SUGCT: variants seen among roughly 807,000 people sequenced by gnomAD.
The protein encoded by SUGCT is succinyl-CoA:glutarate CoA-transferase.
SUGCT carries 41 observed loss-of-function variants against 55.0 expected under a neutral mutation model. The ratio of observed to expected loss-of-function variants is 0.74; its 90% confidence interval spans 0.58 to 0.97. The LOEUF (loss-of-function observed/expected upper bound fraction) is 0.97, where lower values mean the gene tolerates loss of function less well. SUGCT is among the 50% of genes least tolerant of loss of function. The probability of loss-of-function intolerance (pLI) is 0.00; values close to 1 mark genes in which losing one functional copy is unlikely to be tolerated. For missense variants in SUGCT, 568 were observed against 547.8 expected (o/e 1.04, Z -0.37); for synonymous variants, 187 against 200.4 (o/e 0.93, Z 0.56).
At chr7:40,504,027 A>G (rs1792447600) in intron 12 of SUGCT, among the ~76,000 whole-genome samples, 1 of 152,204 alleles carries the variant, frequency 6.6e-6, no homozygotes, top group Non-Finnish European at 1.5e-5. Context: ...AATCCAAAGA[A>G]TCAATAAACA....
At chr7:40,755,928 TAATACTC>T (rs1274922518) in intron 13 of SUGCT, among the ~76,000 whole-genome samples, 1 of 152,218 alleles carries the variant, frequency 6.6e-6, no homozygotes, top group African/African-American at 2.4e-5. Context: ...CATAGTATTT[TAATACTC>T]ACATTTGGAA....
chr7:40,331,536 C>A (rs547288003), intron 9 of SUGCT, among the ~76,000 whole-genome samples: 1 of 152,272 alleles, frequency 6.6e-6, no homozygotes, highest in East Asian at 1.9e-4. Flanking sequence ...TGGCACATAG[C>A]ATATGTTCAG....
intron 12 of SUGCT, among the ~76,000 whole-genome samples, chr7:40,511,162 G>A (rs1237046516): frequency 6.6e-6 from 1 of 152,110 alleles, no homozygotes; most frequent in Admixed American, 6.6e-5. Flanking sequence ...ATAGACATCA[G>A]CTTAACCAAG....
At chr7:40,680,482 C>T (rs1349951744) in intron 12 of SUGCT, among the ~76,000 whole-genome samples, 1 of 152,086 alleles carries the variant, frequency 6.6e-6, no homozygotes, top group Non-Finnish European at 1.5e-5. Flanking sequence ...GAAAGGATTA[C>T]ACACCCACAA....
the SUGCT span, among the ~76,000 whole-genome samples, chr7:40,959,535 C>T: frequency 6.6e-6 from 1 of 152,146 alleles, no homozygotes; most frequent in Non-Finnish European, 1.5e-5. Context: ...GCTGGAGTAT[C>T]CCAAGTCGAC....
At chr7:40,218,326 CATTTTCATTAAACAATAG>C (rs1787794822) in intron 6 of SUGCT, among the ~76,000 whole-genome samples, 1 of 152,184 alleles carries the variant, frequency 6.6e-6, no homozygotes, top group Non-Finnish European at 1.5e-5. Flanking sequence ...GTAGTAGTAA[CATTTTCATTAAACAATAG>C]AAGCCTGGCT....
chr7:40,532,224 A>G (rs1407199740), intron 12 of SUGCT, among the ~76,000 whole-genome samples: 2 of 152,208 alleles, frequency 1.3e-5, no homozygotes, highest in Admixed American at 6.5e-5. Flanking sequence ...GAGTGACTCA[A>G]AGTATCAGAA....
chr7:40,186,213 C>G (rs1199695687), intron 3 of SUGCT, among the ~76,000 whole-genome samples: 1 of 135,368 alleles, frequency 7.4e-6, no homozygotes, highest in African/African-American at 2.8e-5. Context: ...CTCCCCTTCC[C>G]TCCTCTCCCC....
intron 9 of SUGCT, among the ~76,000 whole-genome samples, chr7:40,391,959 A>C (rs555428920): frequency 1.3e-5 from 2 of 152,362 alleles, no homozygotes; most frequent in Admixed American, 1.3e-4. Flanking sequence ...CAGGCATAAA[A>C]AAGGATGAGT....
the SUGCT span, among the ~76,000 whole-genome samples, chr7:41,019,392 G>A: frequency 2.0e-5 from 3 of 152,280 alleles, no homozygotes; most frequent in African/African-American, 7.2e-5. Flanking sequence ...TCCTGACCCT[G>A]ATCCTTGTGG....
intron 8 of SUGCT, among the ~76,000 whole-genome samples, chr7:40,306,204 A>G (rs1794846029): frequency 1.3e-5 from 2 of 152,190 alleles, no homozygotes; most frequent in Admixed American, 6.5e-5. Context: ...ATTAAATTTA[A>G]TAGCTTGTCT....
intron 7 of SUGCT, among the ~76,000 whole-genome samples, chr7:40,251,936 T>TAAA (rs879897770): frequency 2.8e-5 from 4 of 141,058 alleles, no homozygotes; most frequent in African/African-American, 1.0e-4. Flanking sequence ...CTAGGAAAAA[T>TAAA]AAAAAAAAAA....
rs148293224 is a variant in SUGCT at position 40,701,166 on chromosome 7, C to T, written c.1090-48268C>T. Reference sequence around the variant, plus strand: ...AAGACAGGAAACGTTTGTTGGGCTTCGTCATTTTATGACACTGATGCCCAC... The same window carrying T: ...AAGACAGGAAACGTTTGTTGGGCTTTGTCATTTTATGACACTGATGCCCAC... On this transcript the variant is annotated intron_variant, in intron 12 of 13. Coordinates refer to ENST00000335693, the MANE Select transcript of SUGCT (RefSeq NM_001193313.2). Among the ~76,000 whole-genome samples, 823 of 152,290 alleles carry T rather than the reference C, an allele frequency of 5.4e-3. 4 individuals carry two copies. The highest frequency in any genetic ancestry group is 9.3e-3 in the Non-Finnish European group (636 of 68,030).
chr7:40,563,448 G>A (rs1262434580), intron 12 of SUGCT, among the ~76,000 whole-genome samples: 12 of 151,926 alleles, frequency 7.9e-5, no homozygotes, highest in Non-Finnish European at 7.4e-5. Context: ...GTTTATGCCT[G>A]TAATCCCAGC....
intron 12 of SUGCT, among the ~76,000 whole-genome samples, chr7:40,669,926 G>A (rs1305376812): frequency 2.0e-5 from 3 of 151,778 alleles, no homozygotes; most frequent in African/African-American, 7.3e-5. Flanking sequence ...AGACATAGTT[G>A]TAGAGATTCA....
the SUGCT span, among the ~76,000 whole-genome samples, chr7:41,001,973 A>C: frequency 6.4e-4 from 98 of 152,338 alleles, no homozygotes; most frequent in African/African-American, 1.5e-3. Context: ...AGAGTGCATG[A>C]GAGCTGGGTG....
At chr7:40,484,449 T>C (rs1243122247) in intron 11 of SUGCT, among the ~76,000 whole-genome samples, 1 of 152,166 alleles carries the variant, frequency 6.6e-6, no homozygotes, top group African/African-American at 2.4e-5. Context: ...CCAAGTGGCC[T>C]TGGGGGCGGA....
At position 40,551,175 on chromosome 7, in the gene SUGCT, G is replaced by C. The variant is rs569119256; in HGVS notation, c.1089+54789G>C. ...CCTCTTGGAACACTTGTGATTTTAT[G>C]GATTACAAACTTCTTGTTCTCTTAG... On this transcript the variant is annotated intron_variant, in intron 12 of 13. Coordinates refer to ENST00000335693, the MANE Select transcript of SUGCT (RefSeq NM_001193313.2). Among the ~76,000 whole-genome samples the C allele has an allele frequency of 1.5e-3, 231 of 152,084 alleles. 1 individual carries two copies. The highest frequency in any genetic ancestry group is 2.6e-3 in the Non-Finnish European group (176 of 68,008).
At chr7:40,701,493 G>A (rs1785169329) in intron 12 of SUGCT, among the ~76,000 whole-genome samples, 1 of 152,134 alleles carries the variant, frequency 6.6e-6, no homozygotes, top group Admixed American at 6.6e-5. Context: ...GTAGCTGCTA[G>A]GTGTCCCAAC....
Sources: gnomAD v4.1 joint callset for allele counts (sites outside exome capture counted in the v4.1 genomes callset) on GRCh38, gnomAD v4.1.1 for gene constraint, MANE v1.5 for transcripts, NCBI Gene and HGNC (gene_info 2026-07-23, HGNC 2026-07-21) for gene names.